The following MSRB1 variants were observed in gnomAD, a reference collection of about 807,000 sequenced individuals.
MSRB1 encodes the protein methionine sulfoxide reductase B1, also known as methionine-R-sulfoxide reductase B1.
Under a neutral mutation model 15.2 loss-of-function variants are expected in MSRB1, and 13 were observed. The ratio of observed to expected loss-of-function variants is 0.86; its 90% CI spans 0.56 to 1.36. The LOEUF (loss-of-function observed/expected upper bound fraction) is 1.36, where lower values mean the gene tolerates loss of function less well. Ranked by LOEUF, MSRB1 falls within the 40% of genes most tolerant of loss-of-function variation. MSRB1 has a pLI of 0.00. For synonymous variants in MSRB1, 68 were observed against 64.5 expected (o/e 1.05, Z -0.26); for missense variants, 174 against 155.9 (o/e 1.12, Z -0.62).
chr16:1,940,961 G>T, intron 2 of MSRB1, 69 bp from the exon 3 acceptor site: 1 of 1,604,798 alleles, frequency 6.2e-7, no homozygotes, highest in Non-Finnish European at 8.5e-7. Flanking sequence ...GCCCTTACTG[G>T]GGCTGGCAGA....
chr16:1,938,845 T>G lies in MSRB1; in HGVS notation c.*267A>C, dbSNP rs2083056064. ...CCAGGGCTCACCTCCTGGAGGCACCTAGAGTGAGCAGGGGGCTAAGTCAGC... is the reference window on the plus strand; with the variant it reads ...CCAGGGCTCACCTCCTGGAGGCACCGAGAGTGAGCAGGGGGCTAAGTCAGC... On this transcript the variant is annotated 3_prime_UTR_variant, in exon 4 of 4. Transcript: ENST00000361871. The G allele has an allele frequency of 7.1e-6, 4 of 560,992 alleles. No individual in the cohort carries two copies. The highest frequency in any genetic ancestry group is 9.4e-6 in the Non-Finnish European group (3 of 317,916). The allele number at this position is 560,992 out of a possible 1,614,324, so 34.8% of individuals were successfully genotyped here. A position where few individuals can be genotyped will look rare whatever the true frequency, so the allele number is the denominator to read the frequency against.
chr16:1,941,341 C>G lies in MSRB1; in HGVS notation c.120G>C (p.Ser40=). The G allele has an allele frequency of 1.2e-6, 2 of 1,608,268 alleles. No homozygotes were observed. The highest frequency in any genetic ancestry group is 1.7e-6 in the Non-Finnish European group (2 of 1,178,086). ...TCTCGGTGAACGCCGGCCATGGAGA[C>G]GAGTGTGCATACTTCGAGCGGCTGG... ...LFSSRSKYAH[S]SPWPAFTETI... The change falls in exon 2 of 4, where the codon TCG becomes TCC. Residue 40 remains serine, a synonymous_variant. Coordinates refer to ENST00000361871, the MANE Select transcript of MSRB1 (RefSeq NM_016332.4).
At chr16:1,941,098 C>T (rs757111680) in intron 2 of MSRB1, 159 bp downstream of exon 2, 43 of 1,551,184 alleles carry the variant, frequency 2.8e-5, no homozygotes, top group Admixed American at 5.9e-5. Flanking sequence ...CAGGCTCTCC[C>T]GATAGCCTGG....
At position 1,938,601 on chromosome 16, in the gene MSRB1, AG is replaced by A. The variant is rs1397486469; in HGVS notation, c.*510del. 1 of 164,504 alleles carries A rather than the reference AG, an allele frequency of 6.1e-6. No individual in the cohort carries two copies. The highest frequency in any genetic ancestry group is 2.4e-5 in the African/African-American group (1 of 41,560). 10.2% of individuals were successfully genotyped at this position (164,504 alleles called of 1,614,324 possible). ...CCATCCCCACTCTGGCTGGCCTGGA[AG>A]GGTTTGACCAGAGCGGATCATGCAG... On this transcript the variant is annotated 3_prime_UTR_variant, in exon 4 of 4. Transcript: ENST00000361871.
intron 1 of MSRB1, chr16:1,942,089 G>A (rs893988827): frequency 6.6e-6 from 1 of 152,250 alleles, no homozygotes; most frequent in Non-Finnish European, 1.5e-5. Flanking sequence ...GGGGTGCTGA[G>A]TCACCTCTCA....
intron 3 of MSRB1, among the ~76,000 whole-genome samples, chr16:1,939,951 A>G (rs1035919738): frequency 2.4e-4 from 35 of 148,702 alleles, no homozygotes; most frequent in African/African-American, 8.7e-4. Context: ...AGACTCTGTC[A>G]CCAAAAAAAA....
intron 3 of MSRB1, 40 bp from the exon 4 acceptor site, chr16:1,939,183 G>C: frequency 6.3e-7 from 1 of 1,585,156 alleles, no homozygotes; most frequent in Non-Finnish European, 8.6e-7. Flanking sequence ...TGCGGGGACA[G>C]AAAGCAAGCA....
Position 1,939,029 on chromosome 16 carries a change from G to A in MSRB1, c.*83C>T, listed in dbSNP as rs903216080. 3.2e-5 allele frequency: 50 copies of A among 1,542,456 alleles called. No individual in the cohort carries two copies. The highest frequency in any genetic ancestry group is 5.5e-5 in the African/African-American group (4 of 73,342). On this transcript the variant is annotated 3_prime_UTR_variant, in exon 4 of 4. Transcript: ENST00000361871. ...CTGCGCCCTGCCTTCCTGTCTCGAC[G>A]CCCAGGGTTCCAACTCCAAGGTGGA...
rs2083055347 is a variant in MSRB1 at position 1,938,687 on chromosome 16, G to T, written c.*425C>A. ...CCGTTTCCATTCTGTCTCCTAAGCA[G>T]CCTGGGAGATGTGGGCCTAAGCTTC... On this transcript the variant is annotated 3_prime_UTR_variant, in exon 4 of 4. Transcript: ENST00000361871. 4.4e-6 allele frequency: 1 copy of T among 224,828 alleles called. No individual in the cohort carries two copies. Among genetic ancestry groups the T allele is most frequent in the East Asian group, 1.6e-4 (1 of 6,250 alleles). The allele number at this position is 224,828 out of a possible 1,614,324, so 13.9% of individuals were successfully genotyped here.
At position 1,939,059 on chromosome 16, in the gene MSRB1, C is replaced by T. The variant is rs2083057383; in HGVS notation, c.*53G>A. 4 of 1,608,120 alleles carry T rather than the reference C, an allele frequency of 2.5e-6. No individual in the cohort carries two copies. The highest frequency in any genetic ancestry group is 2.7e-5 in the African/African-American group (2 of 74,790). ...GGGTTCCAACTCCAAGGTGGAATGG[C>T]CAACGTGTGGCCTCAGTGTGGTGGC... On this transcript the variant is annotated 3_prime_UTR_variant, in exon 4 of 4. Transcript: ENST00000361871.
intron 3 of MSRB1, 149 bp from the exon 4 acceptor site, chr16:1,939,292 C>A: frequency 1.1e-6 from 1 of 919,842 alleles, no homozygotes. Context: ...CCTGCGCTTT[C>A]ACACTCTGCC....
rs368598731 is a variant in MSRB1 at position 1,941,284 on chromosome 16, C to T, written c.177G>A (p.Pro59=). 24 of 1,613,698 alleles carry T rather than the reference C, an allele frequency of 1.5e-5. No individual in the cohort carries two copies. Among genetic ancestry groups the T allele is most frequent in the African/African-American group, 1.1e-4 (8 of 74,944 alleles). ...TCAAGGCTTCAGATCTATTGTGCTC[C>T]GGACGCTTGGCCACGCTGTCGGCGT... ...TIHADSVAKR[P]EHNRSEALKV... The change falls in exon 2 of 4, where the codon CCG becomes CCA. Residue 59 remains proline (P), a synonymous_variant. Coordinates refer to ENST00000361871, the MANE Select transcript of MSRB1 (RefSeq NM_016332.4).
intron 1 of MSRB1, 80 bp from the exon 2 acceptor site, chr16:1,941,485 G>A (rs2083077090): frequency 1.3e-6 from 2 of 1,492,202 alleles, no homozygotes; most frequent in Non-Finnish European, 1.8e-6. Flanking sequence ...ACCAACCCAG[G>A]CAAAGACAGC....
At chr16:1,942,944 C>T (rs898525589) in intron 1 of MSRB1, among the ~76,000 whole-genome samples, 158 bp downstream of exon 1, 3 of 152,160 alleles carry the variant, frequency 2.0e-5, no homozygotes, top group Admixed American at 6.6e-5. Flanking sequence ...CTCCCCACTC[C>T]TCCGCAGTCC....
intron 3 of MSRB1, among the ~76,000 whole-genome samples, chr16:1,940,063 G>C (rs184334410): frequency 9.6e-4 from 146 of 152,096 alleles, no homozygotes; most frequent in Admixed American, 1.5e-3. Flanking sequence ...CCTGAGGTCA[G>C]GAGTTTAAGA....
At position 1,940,177 on chromosome 16, in the gene MSRB1, CAGG is replaced by C. The variant is rs533472820; in HGVS notation, c.319+598_319+600del. Reference sequence around the variant, plus strand: ...ATCCCAGCTACTTGGGAGGCCAAGACAGGAGAATTGCTTGAACCAGGAGGCAGA... The same window carrying C: ...ATCCCAGCTACTTGGGAGGCCAAGACAGAATTGCTTGAACCAGGAGGCAGA... On this transcript the variant is annotated intron_variant, in intron 3 of 3. Coordinates refer to ENST00000361871, the MANE Select transcript of MSRB1 (RefSeq NM_016332.4). 1.2e-3 allele frequency among the ~76,000 whole-genome samples: 182 copies of C among 151,404 alleles called. 1 individual carries two copies. Among genetic ancestry groups the C allele is most frequent in the African/African-American group, 4.0e-3 (166 of 41,224 alleles).
rs2083072118 is a variant in MSRB1 at position 1,940,897 on chromosome 16, A to C, written c.205-5T>G. 1 of 1,613,982 alleles carries C rather than the reference A, an allele frequency of 6.2e-7. No individual in the cohort carries two copies. Among genetic ancestry groups the C allele is most frequent in the South Asian group, 1.1e-5 (1 of 91,094 alleles). ...GCCACACTTGCCACAGGACACCTGG[A>C]AAGATCACAAGGCAGCTGGGTGAGC... On this transcript the variant is annotated splice_region_variant and splice_polypyrimidine_tract_variant and intron_variant, in intron 2 of 3. Coordinates refer to ENST00000361871, the MANE Select transcript of MSRB1 (RefSeq NM_016332.4).
Position 1,943,144 on chromosome 16 carries a change from T to C in MSRB1, c.13A>G (p.Ser5Gly). The change falls in exon 1 of 4, where the codon AGC (serine) becomes GGC (glycine). Residue 5 changes from serine to glycine, a missense_variant. Transcript: ENST00000361871. ...TGGAAAACCTCGCCCCCGAAGAAGC[T>C]GCAGAACGACATGGCGCCACCGGAA... MSFCSFFGGEVFQNH... is the reference protein window; with the variant it reads MSFCGFFGGEVFQNH... 1 of 1,561,860 alleles carries C rather than the reference T, an allele frequency of 6.4e-7. No individual in the cohort carries two copies. The highest frequency in any genetic ancestry group is 1.2e-5 in the South Asian group (1 of 84,870).
Position 1,941,345 on chromosome 16 carries a change from T to C in MSRB1, c.116A>G (p.His39Arg). 5.0e-6 allele frequency: 8 copies of C among 1,612,618 alleles called. No individual in the cohort carries two copies. The highest frequency in any genetic ancestry group is 6.8e-6 in the Non-Finnish European group (8 of 1,179,762). ...GGTGAACGCCGGCCATGGAGACGAG[T>C]GTGCATACTTCGAGCGGCTGGAGAA... ...ELFSSRSKYAHSSPWPAFTET... is the reference protein window; with the variant it reads ...ELFSSRSKYARSSPWPAFTET... The change falls in exon 2 of 4, where the codon CAC (histidine) becomes CGC (arginine). Residue 39 changes from histidine (H) to arginine (R), a missense_variant. By Grantham distance (29) the His-to-Arg change is conservative. Coordinates refer to ENST00000361871, the MANE Select transcript of MSRB1 (RefSeq NM_016332.4).
Sources: allele counts gnomAD v4.1 joint callset (sites outside exome capture counted in the v4.1 genomes callset), GRCh38; gene constraint gnomAD v4.1.1; transcripts MANE v1.5; gene names NCBI Gene and HGNC (gene_info 2026-07-23, HGNC 2026-07-21).